SYN3: variants seen among roughly 807,000 people sequenced by gnomAD.
SYN3 encodes synapsin-3.
A neutral mutation model predicts 65.8 loss-of-function variants in SYN3; 35 were observed. That is an observed-to-expected ratio of 0.53 (90% CI 0.41 to 0.70). SYN3 has a LOEUF of 0.70. Ranked by LOEUF, SYN3 falls within the 30% of genes least tolerant of loss-of-function variation. The pLI is 0.00. For missense variants in SYN3, 680 were observed against 749.0 expected, an observed-to-expected ratio of 0.91 and a Z score of 1.08; for synonymous variants, 270 against 292.9, an observed-to-expected ratio of 0.92 and a Z score of 0.80.
intron 4 of SYN3, among the ~76,000 whole-genome samples, chr22:32,875,875 C>A (rs1468586758): frequency 6.6e-6 from 1 of 152,158 alleles, no homozygotes; most frequent in Non-Finnish European, 1.5e-5. Flanking sequence ...GTTATTTAAG[C>A]CACCCAACCT....
At chr22:32,879,653 A>C (rs1450653830) in intron 4 of SYN3, among the ~76,000 whole-genome samples, 2 of 152,198 alleles carry the variant, frequency 1.3e-5, no homozygotes, top group Non-Finnish European at 2.9e-5. Context: ...GAAGGTTAGG[A>C]TTTCAACATT....
chr22:32,574,471 T>C (rs1023624855), intron 7 of SYN3, among the ~76,000 whole-genome samples: 1 of 152,018 alleles, frequency 6.6e-6, no homozygotes, highest in Non-Finnish European at 1.5e-5. Flanking sequence ...AGAGACAGAC[T>C]CCATCTCTTT....
chr22:32,846,286 T>A (rs963548824), intron 6 of SYN3, among the ~76,000 whole-genome samples: 1 of 152,236 alleles, frequency 6.6e-6, no homozygotes, highest in East Asian at 1.9e-4. Context: ...TTCTGACTAC[T>A]TCATCTGTGC....
intron 6 of SYN3, among the ~76,000 whole-genome samples, chr22:32,690,920 T>C (rs1347201548): frequency 6.6e-6 from 1 of 152,166 alleles, no homozygotes; most frequent in African/African-American, 2.4e-5. Flanking sequence ...AGGCAGAGGC[T>C]GGACTGGTAG....
At chr22:32,809,709 T>C (rs927190589) in intron 6 of SYN3, among the ~76,000 whole-genome samples, 4 of 152,236 alleles carry the variant, frequency 2.6e-5, no homozygotes, top group Non-Finnish European at 5.9e-5. Context: ...TACTAATTAA[T>C]TATAGCCGAA....
chr22:32,638,681 A>G (rs950741801), intron 6 of SYN3, among the ~76,000 whole-genome samples: 1 of 152,088 alleles, frequency 6.6e-6, no homozygotes, highest in Admixed American at 6.5e-5. Flanking sequence ...TGGTTGTTCA[A>G]TTGTTTAAAT....
At position 32,998,776 on chromosome 22, in the gene SYN3, T is replaced by TAAAAAAAAAAAAAAA. The variant is rs34372968; in HGVS notation, c.311+7561_311+7575dup. Among the ~76,000 whole-genome samples, 52 of 81,952 alleles carry TAAAAAAAAAAAAAAA rather than the reference T, an allele frequency of 6.3e-4. 2 individuals carry two copies. The highest frequency in any genetic ancestry group is 1.1e-3 in the African/African-American group (23 of 20,348). 53.8% of individuals were successfully genotyped at this position (81,952 alleles called of 152,430 possible). On this transcript the variant is annotated intron_variant, in intron 2 of 13. Transcript: ENST00000358763. ...ATTCTGGTACATTCTATAGAAATAG[T>TAAAAAAAAAAAAAAA]AAAAAAAAAAAAAAAAAAAAAAACA...
chr22:33,058,127 G>T (rs941761197), intron 1 of SYN3, among the ~76,000 whole-genome samples, 165 bp downstream of exon 1: 1 of 152,144 alleles, frequency 6.6e-6, no homozygotes, highest in African/African-American at 2.4e-5. Flanking sequence ...GCGGCTCCTT[G>T]CCTCCCTCCC....
At chr22:32,775,164 T>G (rs1035136454) in intron 6 of SYN3, among the ~76,000 whole-genome samples, 3 of 152,296 alleles carry the variant, frequency 2.0e-5, no homozygotes, top group African/African-American at 7.2e-5. Flanking sequence ...TGTCCTCATG[T>G]AGCCTTTCCT....
chr22:32,965,543 C>CGTGTGTGT (rs10602672), intron 3 of SYN3, among the ~76,000 whole-genome samples: 30 of 147,356 alleles, frequency 2.0e-4, no homozygotes, highest in African/African-American at 7.1e-4. Context: ...ATGGTGCGTA[C>CGTGTGTGT]GTGTGTGTGT....
chr22:32,874,883 A>G (rs1244911429), intron 4 of SYN3, among the ~76,000 whole-genome samples: 1 of 152,202 alleles, frequency 6.6e-6, no homozygotes, highest in African/African-American at 2.4e-5. Context: ...TTGGGTATCA[A>G]ATCTGGGGGA....
chr22:32,602,736 A>ATG, intron 6 of SYN3, among the ~76,000 whole-genome samples: 1 of 152,222 alleles, frequency 6.6e-6, no homozygotes, highest in East Asian at 1.9e-4. Flanking sequence ...CTGAGATTAC[A>ATG]GGCGTCAGCT....
chr22:32,533,741 G>C, intron 10 of SYN3, 52 bp downstream of exon 10: 1 of 1,320,518 alleles, frequency 7.6e-7, no homozygotes, highest in Non-Finnish European at 1.1e-6. Context: ...CCTCCCCCTG[G>C]CACGCCTGCC....
At chr22:32,585,745 G>A (rs917650574) in intron 7 of SYN3, among the ~76,000 whole-genome samples, 1 of 151,878 alleles carries the variant, frequency 6.6e-6, no homozygotes, top group Non-Finnish European at 1.5e-5. Context: ...AGAGAAGCAG[G>A]ATGACTGTTT....
intron 6 of SYN3, among the ~76,000 whole-genome samples, chr22:32,838,182 CAT>C (rs2047789909): frequency 6.6e-6 from 1 of 152,188 alleles, no homozygotes; most frequent in African/African-American, 2.4e-5. Context: ...ATCTGAGATG[CAT>C]AGTTCCTCAA....
intron 6 of SYN3, among the ~76,000 whole-genome samples, chr22:32,761,609 G>T (rs1183757760): frequency 6.6e-6 from 1 of 152,148 alleles, no homozygotes; most frequent in African/African-American, 2.4e-5. Flanking sequence ...TCTGGTGGGG[G>T]TGCCTCTGAA....
At chr22:32,864,392 G>A (rs1042430174) in intron 6 of SYN3, among the ~76,000 whole-genome samples, 4 of 152,162 alleles carry the variant, frequency 2.6e-5, no homozygotes, top group African/African-American at 7.2e-5. Flanking sequence ...CCAAATGGGA[G>A]GCTGTACCAC....
intron 3 of SYN3, among the ~76,000 whole-genome samples, chr22:32,961,776 T>A (rs765465649): frequency 6.6e-6 from 1 of 152,240 alleles, no homozygotes; most frequent in African/African-American, 2.4e-5. Flanking sequence ...TCCCAGTTCC[T>A]CCTTTTACAA....
chr22:33,037,276 G>T (rs772500586), intron 1 of SYN3, among the ~76,000 whole-genome samples: 1 of 152,062 alleles, frequency 6.6e-6, no homozygotes, highest in Admixed American at 6.6e-5. Context: ...TTGCCCGCTT[G>T]CTGCCCAGAT....
Sources: gnomAD v4.1 joint callset for allele counts (sites outside exome capture counted in the v4.1 genomes callset) on GRCh38, gnomAD v4.1.1 for gene constraint, MANE v1.5 for transcripts, NCBI Gene and HGNC (gene_info 2026-07-23, HGNC 2026-07-21) for gene names.